The following CLTCL1 variants were observed in gnomAD, a reference collection of about 807,000 sequenced individuals.
CLTCL1 encodes clathrin heavy chain 2.
Under a neutral mutation model 190.0 loss-of-function variants are expected in CLTCL1, and 159 were observed. That is an observed-to-expected ratio of 0.84 (90% CI 0.74 to 0.95). The LOEUF is 0.95. CLTCL1 is among the 40% of genes least tolerant of loss of function. The probability of loss-of-function intolerance (pLI) is 0.00; values close to 1 mark genes in which losing one functional copy is unlikely to be tolerated. For synonymous variants in CLTCL1, 752 were observed against 769.6 expected (o/e 0.98, Z 0.38); for missense variants, 1,878 against 2,033.4 (o/e 0.92, Z 1.47).
At chr22:19,283,547 C>T (rs1170914196) in intron 1 of CLTCL1, among the ~76,000 whole-genome samples, 1 of 152,118 alleles carries the variant, frequency 6.6e-6, no homozygotes, top group African/African-American at 2.4e-5. Context: ...TCCCAAAGTG[C>T]TGAGATTACA....
At chr22:19,240,393 G>A (rs1249719151) in intron 4 of CLTCL1, among the ~76,000 whole-genome samples, 1 of 152,166 alleles carries the variant, frequency 6.6e-6, no homozygotes, top group Non-Finnish European at 1.5e-5. Flanking sequence ...GGGTGTCTGT[G>A]GAGGGGCAGT....
chr22:19,268,982 C>T (rs751930490), intron 2 of CLTCL1, among the ~76,000 whole-genome samples: 57 of 150,386 alleles, frequency 3.8e-4, no homozygotes, highest in Non-Finnish European at 8.0e-4. Context: ...CCCAGCTACT[C>T]GGGAGGCTGA....
At chr22:19,264,841 T>G (rs2087067157) in intron 2 of CLTCL1, among the ~76,000 whole-genome samples, 1 of 151,818 alleles carries the variant, frequency 6.6e-6, no homozygotes, top group South Asian at 2.1e-4. Context: ...CAAGCTGGAG[T>G]GCAATGGGTC....
intron 29 of CLTCL1, chr22:19,183,915 T>TGGG: frequency 2.3e-6 from 1 of 431,232 alleles, no homozygotes. Context: ...AAGGCACTGA[T>TGGG]GGGAGTTTGG....
At chr22:19,270,289 A>G (rs1488939317) in intron 2 of CLTCL1, among the ~76,000 whole-genome samples, 1 of 152,162 alleles carries the variant, frequency 6.6e-6, no homozygotes, top group Non-Finnish European at 1.5e-5. Flanking sequence ...AAGAAAGCAG[A>G]TGAGTTGCTG....
intron 3 of CLTCL1, among the ~76,000 whole-genome samples, chr22:19,247,552 C>T (rs2086457018): frequency 6.6e-6 from 1 of 151,750 alleles, no homozygotes; most frequent in South Asian, 2.1e-4. Context: ...TTGTTGTTGT[C>T]ATTTGTTTTG....
intron 10 of CLTCL1, 118 bp downstream of exon 10, chr22:19,232,358 C>G (rs1206553): frequency 0.076 from 106,965 of 1,399,428 alleles, 4,379 homozygotes; most frequent in Middle Eastern, 0.13. Flanking sequence ...TTTAAAACTG[C>G]AAGATTAATA....
At chr22:19,211,928 T>C (rs1385270301) in intron 19 of CLTCL1, among the ~76,000 whole-genome samples, 1 of 151,294 alleles carries the variant, frequency 6.6e-6, no homozygotes, top group African/African-American at 2.4e-5. Flanking sequence ...TGTATTTCTA[T>C]ATACTGACAA....
intron 21 of CLTCL1, among the ~76,000 whole-genome samples, chr22:19,208,670 C>T (rs186845045): frequency 6.6e-6 from 1 of 150,620 alleles, no homozygotes; most frequent in East Asian, 1.9e-4. Context: ...ACTACAGTGG[C>T]GATATTGAGA....
At chr22:19,202,476 C>CACCTCCCGCACCACCCCTCCTTCCGT (rs1569164086) in intron 22 of CLTCL1, among the ~76,000 whole-genome samples, 4 of 45,958 alleles carry the variant, frequency 8.7e-5, no homozygotes, top group African/African-American at 2.2e-4. Context: ...CCCTCCTTTG[C>CACCTCCCGCACCACCCCTCCTTCCGT]CATCCACGGT....
intron 29 of CLTCL1, 66 bp downstream of exon 29, chr22:19,187,491 AC>A (rs1183285311): frequency 3.9e-6 from 6 of 1,521,936 alleles, no homozygotes; most frequent in Non-Finnish European, 5.4e-6. Flanking sequence ...AAGGGATGTG[AC>A]CCCCAAAGCC....
At chr22:19,185,151 T>C (rs2084270348) in intron 29 of CLTCL1, among the ~76,000 whole-genome samples, 1 of 152,208 alleles carries the variant, frequency 6.6e-6, no homozygotes, top group African/African-American at 2.4e-5. Context: ...GTGGCAGTGC[T>C]GACCTTGGGA....
chr22:19,265,132 T>C (rs1230293696), intron 2 of CLTCL1, among the ~76,000 whole-genome samples: 2 of 152,166 alleles, frequency 1.3e-5, no homozygotes, highest in East Asian at 1.9e-4. Flanking sequence ...ATCAGTAAGA[T>C]AAAGGCCTGC....
intron 3 of CLTCL1, among the ~76,000 whole-genome samples, chr22:19,244,842 A>G (rs1464067531): frequency 6.6e-6 from 1 of 152,272 alleles, no homozygotes; most frequent in African/African-American, 2.4e-5. Context: ...CAAGGATTCA[A>G]TGAGCAAATG....
At chr22:19,187,792 G>T in intron 28 of CLTCL1, 64 bp from the exon 29 acceptor site, 1 of 1,542,842 alleles carries the variant, frequency 6.5e-7, no homozygotes, top group Non-Finnish European at 8.9e-7. Context: ...CATGGAGCAG[G>T]CACCTTGTGT....
chr22:19,195,268 C>A (rs1231624460), intron 26 of CLTCL1, among the ~76,000 whole-genome samples: 1 of 152,172 alleles, frequency 6.6e-6, no homozygotes, highest in African/African-American at 2.4e-5. Flanking sequence ...GCAGACTCTG[C>A]TCAGGGTGGG....
At chr22:19,218,050 C>T (rs984502369) in intron 18 of CLTCL1, among the ~76,000 whole-genome samples, 106 of 152,322 alleles carry the variant, frequency 7.0e-4, no homozygotes, top group African/African-American at 2.4e-3. Context: ...AGCAGCCTCC[C>T]TCTGTTATTA....
chr22:19,194,050 C>T lies in CLTCL1; in HGVS notation c.4191+2216G>A, dbSNP rs1249350413. ...CTGCTGATTGGCCCATTTTACAGAG[C>T]GCTAATTGGTCCATTCTACAGAGTG... On this transcript the variant is annotated intron_variant, in intron 26 of 32. Transcript: ENST00000427926. 3.3e-5 allele frequency among the ~76,000 whole-genome samples: 5 copies of T among 152,096 alleles called. No individual in the cohort carries two copies. The East Asian group carries it at 5.8e-4, about 18-fold the overall frequency.
intron 2 of CLTCL1, among the ~76,000 whole-genome samples, chr22:19,275,267 C>T (rs778521054): frequency 6.6e-6 from 1 of 152,132 alleles, no homozygotes; most frequent in Non-Finnish European, 1.5e-5. Flanking sequence ...GAGCCTGTGT[C>T]GTCGGATGAC....
Sources: allele counts gnomAD v4.1 joint callset (sites outside exome capture counted in the v4.1 genomes callset), GRCh38; gene constraint gnomAD v4.1.1; transcripts MANE v1.5; gene names NCBI Gene and HGNC (gene_info 2026-07-23, HGNC 2026-07-21).